Variants in PTPRR observed in about 807,000 individuals in gnomAD.
PTPRR encodes the protein receptor-type tyrosine-protein phosphatase R.
In PTPRR, 38 loss-of-function variants were observed where a neutral mutation model predicts 77.2. The observed-to-expected ratio is 0.49, with a 90% CI of 0.38 to 0.65. PTPRR has a LOEUF of 0.65. PTPRR is among the 30% of genes least tolerant of loss of function. The pLI, the probability that PTPRR is intolerant of heterozygous loss-of-function variation, is 0.00. For missense variants in PTPRR, 744 were observed against 799.2 expected, an observed-to-expected ratio of 0.93 and a Z score of 0.83; for synonymous variants, 299 against 283.1, an observed-to-expected ratio of 1.06 and a Z score of -0.57.
intron 1 of PTPRR, among the ~76,000 whole-genome samples, chr12:70,918,666 A>T (rs1229568867): frequency 6.6e-6 from 1 of 152,212 alleles, no homozygotes; most frequent in Non-Finnish European, 1.5e-5. Flanking sequence ...ATTACTCAAG[A>T]TGTATCAAAT....
intron 1 of PTPRR, among the ~76,000 whole-genome samples, chr12:70,898,544 T>C (rs1361369678): frequency 1.3e-5 from 2 of 148,664 alleles, no homozygotes; most frequent in East Asian, 2.0e-4. Context: ...CCTTAACCTA[T>C]AAATATATAT....
intron 8 of PTPRR, among the ~76,000 whole-genome samples, chr12:70,687,362 T>C (rs1442513476): frequency 1.3e-5 from 2 of 151,232 alleles, no homozygotes; most frequent in African/African-American, 4.8e-5. Context: ...TAGGAGCTTC[T>C]ATCCAAGGAT....
At chr12:70,745,695 T>C in intron 6 of PTPRR, 123 bp downstream of exon 6, 1 of 1,128,548 alleles carries the variant, frequency 8.9e-7, no homozygotes. Flanking sequence ...TTCATCTGAC[T>C]GTCCATTTAG....
chr12:70,733,537 G>A (rs1889762084), intron 6 of PTPRR, among the ~76,000 whole-genome samples: 2 of 149,086 alleles, frequency 1.3e-5, no homozygotes, highest in Non-Finnish European at 3.0e-5. Flanking sequence ...GAGACAAGGG[G>A]CTAACAACTG....
At chr12:70,832,804 C>G (rs1892237457) in intron 2 of PTPRR, among the ~76,000 whole-genome samples, 2 of 152,008 alleles carry the variant, frequency 1.3e-5, no homozygotes, top group South Asian at 4.2e-4. Context: ...CAAGCATGGA[C>G]CAGCATTGAC....
chr12:70,909,484 C>A (rs1175794759), intron 1 of PTPRR, among the ~76,000 whole-genome samples: 1 of 152,118 alleles, frequency 6.6e-6, no homozygotes, highest in South Asian at 2.1e-4. Context: ...CGGAACAAAG[C>A]ATTTCATCAA....
At chr12:70,645,010 G>C (rs1041030940) in intron 13 of PTPRR, among the ~76,000 whole-genome samples, 16 of 152,108 alleles carry the variant, frequency 1.1e-4, no homozygotes, top group Admixed American at 6.5e-5. Flanking sequence ...AACGTCATCG[G>C]GTTGTGAGGA....
rs1592829823 is a variant in PTPRR, at chr12:70,911,649, G to GCTTCATA, written c.58+8683_58+8684insTATGAAG. On this transcript the variant is annotated intron_variant, in intron 1 of 13. Transcript: ENST00000283228. ...GCATTGGGAGAGATATCTGCAGGGAGGTAGATATTTTCGAGCTTCATAGTC... is the reference window on the plus strand; with the variant it reads ...GCATTGGGAGAGATATCTGCAGGGAGCTTCATAGTAGATATTTTCGAGCTTCATAGTC... Among the ~76,000 whole-genome samples the GCTTCATA allele has an allele frequency of 2.0e-5, 3 of 150,126 alleles. No homozygotes were observed. The East Asian group carries it at 6.1e-4, about 31-fold the overall frequency.
chr12:70,764,644 T>C (rs1173641797), intron 3 of PTPRR, 21 bp downstream of exon 3: 1 of 1,581,562 alleles, frequency 6.3e-7, no homozygotes, highest in Non-Finnish European at 8.7e-7. Context: ...ATTTTGGAAA[T>C]GCGAAATGTG....
rs189150432 is a variant in PTPRR at position 70,782,956 on chromosome 12, G to T, written c.358-18178C>A. ...GCCTTGGTCAAATTTCTTCTCAGTT[G>T]AAGAAAATGAGGCTCAGTTTCTTCA... On this transcript the variant is annotated intron_variant, in intron 2 of 13. Transcript: ENST00000283228. 2.0e-3 allele frequency among the ~76,000 whole-genome samples: 297 copies of T among 152,268 alleles called. 1 individual carries two copies. Among genetic ancestry groups the T allele is most frequent in the African/African-American group, 6.5e-3 (272 of 41,562 alleles).
chr12:70,717,682 T>C (rs1414003442), intron 6 of PTPRR, among the ~76,000 whole-genome samples: 6 of 152,308 alleles, frequency 3.9e-5, no homozygotes, highest in South Asian at 2.1e-4. Flanking sequence ...GTCCCATATC[T>C]ACAGAATGCC....
At chr12:70,793,655 C>T (rs575726564) in intron 2 of PTPRR, among the ~76,000 whole-genome samples, 1 of 152,282 alleles carries the variant, frequency 6.6e-6, no homozygotes, top group Non-Finnish European at 1.5e-5. Context: ...TTCACCACAA[C>T]AATGTTCCTG....
At chr12:70,795,940 T>TTTTTTTTTG (rs1436544409) in intron 2 of PTPRR, among the ~76,000 whole-genome samples, 6 of 133,522 alleles carry the variant, frequency 4.5e-5, no homozygotes, top group African/African-American at 8.5e-5. Context: ...TTTTTTTTTT[T>TTTTTTTTTG]TGACACAGAG....
At chr12:70,662,664 C>T (rs934788461) in intron 10 of PTPRR, 59 bp from the exon 11 acceptor site, 157 of 957,588 alleles carry the variant, frequency 1.6e-4, no homozygotes, top group South Asian at 7.7e-4. Flanking sequence ...CCATGGAGTA[C>T]TTTTCATTCA....
At chr12:70,656,052 A>AC in intron 13 of PTPRR, among the ~76,000 whole-genome samples, 1 of 152,054 alleles carries the variant, frequency 6.6e-6, no homozygotes, top group East Asian at 1.9e-4. Context: ...TCTCTACAAA[A>AC]AAAAAAATTA....
intron 2 of PTPRR, among the ~76,000 whole-genome samples, chr12:70,799,793 T>C (rs1019155220): frequency 6.6e-6 from 1 of 152,154 alleles, no homozygotes; most frequent in African/African-American, 2.4e-5. Flanking sequence ...ATTTACAGCA[T>C]CCACAATAAT....
chr12:70,818,087 C>T (rs1004580397), intron 2 of PTPRR, among the ~76,000 whole-genome samples: 1 of 151,960 alleles, frequency 6.6e-6, no homozygotes, highest in African/African-American at 2.4e-5. Context: ...TGGTGCCTGC[C>T]TGTAATCCTA....
At chr12:70,914,517 G>C (rs1893746226) in intron 1 of PTPRR, among the ~76,000 whole-genome samples, 1 of 152,176 alleles carries the variant, frequency 6.6e-6, no homozygotes, top group Non-Finnish European at 1.5e-5. Context: ...AAACCTTTAA[G>C]ATGAAAGTAG....
chr12:70,833,550 G>C (rs907121485), intron 2 of PTPRR, among the ~76,000 whole-genome samples: 2 of 152,182 alleles, frequency 1.3e-5, no homozygotes, highest in Admixed American at 1.3e-4. Flanking sequence ...TTAAGGTAAA[G>C]AACAGAGGAG....
Sources: gnomAD v4.1 joint callset for allele counts (sites outside exome capture counted in the v4.1 genomes callset) on GRCh38, gnomAD v4.1.1 for gene constraint, MANE v1.5 for transcripts, NCBI Gene and HGNC (gene_info 2026-07-23, HGNC 2026-07-21) for gene names.